Variants in BIRC2 observed in about 807,000 individuals in gnomAD.
The protein encoded by BIRC2 is baculoviral IAP repeat containing 2, also known as baculoviral IAP repeat-containing protein 2.
Under a neutral mutation model 60.9 loss-of-function variants are expected in BIRC2, and 18 were observed. That is an observed-to-expected ratio of 0.30 (90% confidence interval 0.20 to 0.44). BIRC2 has a LOEUF of 0.44. Among genes scored for constraint, BIRC2 ranks in the 20% least tolerant of loss-of-function variants. The pLI is 1.00. For synonymous variants in BIRC2, 282 were observed against 247.7 expected, an observed-to-expected ratio of 1.14 and a Z score of -1.30; for missense variants, 701 against 728.5, an observed-to-expected ratio of 0.96 and a Z score of 0.43.
In BIRC2 at chr11:102,349,548, T is replaced by C. The variant is rs12792649; in HGVS notation, c.-307T>C. On this transcript the variant is annotated 5_prime_UTR_variant, in exon 2 of 9. Transcript: ENST00000227758. ...TCTGTGAAAAATCAAGGAGTTTTAA[T>C]ATTTTCAGAAGTGCATCCACCTTTC... 11,024 of 207,370 alleles carry C rather than the reference T, an allele frequency of 0.053. 340 individuals carry two copies. The highest frequency in any genetic ancestry group is 0.067 in the Non-Finnish European group (6,966 of 103,766). 12.8% of individuals were successfully genotyped at this position (207,370 alleles called of 1,614,324 possible).
In BIRC2 at chr11:102,350,662, G is replaced by A. The variant is rs199777189; in HGVS notation, c.808G>A (p.Ala270Thr). Reference protein sequence around the residue: ...SISNLSMQTHAARMRTFMYWP... With the variant: ...SISNLSMQTHTARMRTFMYWP... ...TTCAAATCTGAGCATGCAGACACAT[G>A]CAGCTCGAATGAGAACATTTATGTA... Residue 270 changes from alanine to threonine, a missense_variant, in exon 2 of 9, where the codon GCA (alanine) becomes ACA (threonine). Physicochemically the swap from Ala to Thr is moderately conservative, Grantham distance 58. Around this residue, in one of 4 missense-constraint regions of BIRC2, gnomAD observed 375 missense variants for 365.9 expected, o/e 1.02. Coordinates refer to ENST00000227758, the MANE Select transcript of BIRC2 (RefSeq NM_001166.5). The A allele has an allele frequency of 6.2e-7, 1 of 1,613,898 alleles. No individual in the cohort carries two copies. The highest frequency in any genetic ancestry group is 2.2e-5 in the East Asian group (1 of 44,890).
intron 3 of BIRC2, among the ~76,000 whole-genome samples, chr11:102,351,747 CTTT>C (rs1480839599): frequency 1.3e-5 from 2 of 149,334 alleles, no homozygotes; most frequent in Non-Finnish European, 3.0e-5. Context: ...CTAGCAGTGT[CTTT>C]TTTTATTATA....
chr11:102,362,015 C>T (rs544584167), intron 3 of BIRC2, among the ~76,000 whole-genome samples: 1 of 152,088 alleles, frequency 6.6e-6, no homozygotes, highest in African/African-American at 2.4e-5. Context: ...TGCGGCTTTT[C>T]ATTTCTTTAA....
chr11:102,377,506 A>G lies in BIRC2; in HGVS notation c.1377A>G (p.Ser459=). The change falls in exon 7 of 9, where the codon TCA becomes TCG. Residue 459 remains serine, a synonymous_variant. Transcript: ENST00000227758. ...CTTTTTTTAATGAAGATGATTTGTCATTAATTCGGAAGAACAGAATGGCTC... is the reference window on the plus strand; with the variant it reads ...CTTTTTTTAATGAAGATGATTTGTCGTTAATTCGGAAGAACAGAATGGCTC... ...QAEEMASDDL[S]LIRKNRMALF... 1.3e-6 allele frequency: 2 copies of G among 1,589,340 alleles called. No homozygotes were observed. Among genetic ancestry groups the G allele is most frequent in the Non-Finnish European group, 1.7e-6 (2 of 1,174,474 alleles).
At chr11:102,362,338 A>G (rs1366801591) in intron 3 of BIRC2, among the ~76,000 whole-genome samples, 2 of 152,202 alleles carry the variant, frequency 1.3e-5, no homozygotes, top group East Asian at 1.9e-4. Flanking sequence ...ATGGTATGTG[A>G]ACTTCTTGGA....
intron 3 of BIRC2, among the ~76,000 whole-genome samples, chr11:102,356,248 T>C (rs896162474): frequency 1.3e-5 from 2 of 148,370 alleles, no homozygotes; most frequent in Admixed American, 1.4e-4. Flanking sequence ...CAGGCTAGAA[T>C]GCAGTGGCGC....
intron 3 of BIRC2, among the ~76,000 whole-genome samples, chr11:102,358,684 A>G (rs1171124145): frequency 6.6e-6 from 1 of 152,196 alleles, no homozygotes; most frequent in African/African-American, 2.4e-5. Context: ...CAGATACTGT[A>G]TCCTCTTGTG....
rs771584879 is a variant in BIRC2, at chr11:102,377,659, T to A, written c.1530T>A (p.Ile510=). ...TACCTTTACAAGCGAGAGAACTGAT[T>A]GATACCATTTTGGTTAAAGGAAATG... ...TQIPLQAREL[I]DTILVKGNAA... The change falls in exon 7 of 9, where the codon ATT becomes ATA. Residue 510 remains isoleucine, a synonymous_variant. Coordinates refer to ENST00000227758, the MANE Select transcript of BIRC2 (RefSeq NM_001166.5). The A allele has an allele frequency of 9.3e-6, 15 of 1,611,002 alleles. No homozygotes were observed. Among genetic ancestry groups the A allele is most frequent in the Non-Finnish European group, 1.2e-5 (14 of 1,179,264 alleles).
chr11:102,362,937 A>T lies in BIRC2; in HGVS notation c.1037A>T (p.Asp346Val). ...LIRMKGQEFV[D>V]EIQGRYPHLL... The stretch of plus-strand genomic sequence containing the variant: ...CGAATGAAAGGCCAAGAGTTTGTTG[A>T]TGAGATTCAAGGTAGATATCCTCAT... Residue 346 changes from aspartate (D) to valine (V), a missense_variant, in exon 4 of 9, where the codon GAT becomes GTT. Coordinates refer to ENST00000227758, the MANE Select transcript of BIRC2 (RefSeq NM_001166.5). 6.2e-7 allele frequency: 1 copy of T among 1,613,054 alleles called. No individual in the cohort carries two copies. The highest frequency in any genetic ancestry group is 2.2e-5 in the East Asian group (1 of 44,758).
chr11:102,373,681 G>A (rs1489482765), intron 6 of BIRC2, among the ~76,000 whole-genome samples: 11 of 150,498 alleles, frequency 7.3e-5, no homozygotes, highest in African/African-American at 1.7e-4. Context: ...TCTTTGTGGC[G>A]TTCTCTATAT....
intron 6 of BIRC2, among the ~76,000 whole-genome samples, chr11:102,371,596 A>C (rs1254589488): frequency 1.4e-5 from 2 of 147,842 alleles, no homozygotes; most frequent in Admixed American, 6.7e-5. Context: ...TTTTTGCATC[A>C]ATGTTCATCA....
chr11:102,351,381 G>A (rs111835367), intron 3 of BIRC2, among the ~76,000 whole-genome samples: 203 of 152,198 alleles, frequency 1.3e-3, no homozygotes, highest in African/African-American at 4.5e-3. Context: ...TTGGGAGGCC[G>A]AGATAGGTGG....
At chr11:102,364,166 TATATATATACACACAC>T (rs1182437879) in intron 5 of BIRC2, among the ~76,000 whole-genome samples, 5 of 84,056 alleles carry the variant, frequency 5.9e-5, no homozygotes, top group African/African-American at 2.9e-4. Flanking sequence ...TATATATATA[TATATATATACACACAC>T]ACACAGAGAG....
chr11:102,350,322 T>G lies in BIRC2; in HGVS notation c.468T>G (p.Leu156=), dbSNP rs765773461. ...TGTTCAGTGGTTCTTACTCCAGCCTTTCTCCAAACCCTCTTAATTCTAGAG... is the reference window on the plus strand; with the variant it reads ...TGTTCAGTGGTTCTTACTCCAGCCTGTCTCCAAACCCTCTTAATTCTAGAG... ...SSLFSGSYSS[L]SPNPLNSRAV... Residue 156 remains leucine (L), a synonymous_variant, in exon 2 of 9, where the codon CTT becomes CTG. Transcript: ENST00000227758. 6.2e-6 allele frequency: 10 copies of G among 1,614,240 alleles called. No individual in the cohort carries two copies.
At position 102,350,271 on chromosome 11, in the gene BIRC2, A is replaced by G. The variant is rs150868637; in HGVS notation, c.417A>G (p.Leu139=). Residue 139 remains leucine (L), a synonymous_variant, in exon 2 of 9, where the codon TTA becomes TTG. Transcript: ENST00000227758. ...SPMRNSFAHS[L]SPTLEHSSLF... is the part of the protein sequence containing the mutation. ...TGAGAAACAGTTTTGCACATTCATT[A>G]TCTCCCACCTTGGAACATAGTAGCT... 3.6e-4 allele frequency: 577 copies of G among 1,614,228 alleles called. No individual in the cohort carries two copies. Among genetic ancestry groups the G allele is most frequent in the Middle Eastern group, 1.2e-3 (7 of 6,062 alleles).
At position 102,350,096 on chromosome 11, in the gene BIRC2, T is replaced by C; in HGVS notation, c.242T>C (p.Val81Ala). Residue 81 changes from valine (V) to alanine (A), a missense_variant, in exon 2 of 9, where the codon GTC becomes GCC. Val to Ala is a moderately conservative substitution (Grantham distance 64). Around this residue, in one of 4 missense-constraint regions of BIRC2, gnomAD observed 375 missense variants for 365.9 expected, o/e 1.02. Transcript: ENST00000227758. ...GFYYTGVNDK[V>A]KCFCCGLMLD... Reference sequence around the variant, plus strand: ...TATTATACTGGTGTGAATGACAAGGTCAAATGCTTCTGTTGTGGCCTGATG... The same window carrying C: ...TATTATACTGGTGTGAATGACAAGGCCAAATGCTTCTGTTGTGGCCTGATG... The C allele has an allele frequency of 6.2e-7, 1 of 1,614,202 alleles. No individual in the cohort carries two copies. The highest frequency in any genetic ancestry group is 8.5e-7 in the Non-Finnish European group (1 of 1,180,040).
At chr11:102,368,728 A>G (rs1234371730) in intron 6 of BIRC2, among the ~76,000 whole-genome samples, 180 bp downstream of exon 6, 1 of 152,028 alleles carries the variant, frequency 6.6e-6, no homozygotes, top group East Asian at 1.9e-4. Context: ...AGAACCATTG[A>G]CTGCCGCTTT....
chr11:102,347,408 G>C (rs1331515973), intron 1 of BIRC2, 32 bp downstream of exon 1: 2 of 152,424 alleles, frequency 1.3e-5, no homozygotes, highest in African/African-American at 4.8e-5. Flanking sequence ...CTCGGGCGGC[G>C]TGGGGCGGGT....
At chr11:102,351,364 C>T (rs143706832) in intron 3 of BIRC2, among the ~76,000 whole-genome samples, 6,504 of 152,182 alleles carry the variant, frequency 0.043, 194 homozygotes, top group Non-Finnish European at 0.069. Context: ...CCTGTAATCC[C>T]AGCACTTTGG....
Sources: gnomAD v4.1 joint callset for allele counts (sites outside exome capture counted in the v4.1 genomes callset) on GRCh38, gnomAD v4.1.1 for gene constraint, gnomAD v4.1.1 regional missense constraint, MANE v1.5 for transcripts, NCBI Gene and HGNC (gene_info 2026-07-23, HGNC 2026-07-21) for gene names.